NKAIN2: variants seen among roughly 807,000 people sequenced by gnomAD.
NKAIN2 encodes the protein sodium/potassium transporting ATPase interacting 2.
In NKAIN2, 14 loss-of-function variants were observed where a neutral mutation model predicts 32.6. The ratio of observed to expected loss-of-function variants is 0.43; its 90% CI spans 0.28 to 0.67. The LOEUF (loss-of-function observed/expected upper bound fraction) is 0.67, where lower values mean the gene tolerates loss of function less well. Among genes scored for constraint, NKAIN2 ranks in the 30% least tolerant of loss-of-function variants. The pLI, the probability that NKAIN2 is intolerant of heterozygous loss-of-function variation, is 0.17. For missense variants in NKAIN2, 198 were observed against 258.3 expected (o/e 0.77, Z 1.60); for synonymous variants, 80 against 87.2 (o/e 0.92, Z 0.46).
chr6:124,101,890 A>T (rs1784907714), intron 1 of NKAIN2, among the ~76,000 whole-genome samples: 1 of 152,310 alleles, frequency 6.6e-6, no homozygotes, highest in South Asian at 2.1e-4. Context: ...GAGCCTAGAT[A>T]TAACCAGCAG....
chr6:124,330,572 T>A (rs1298262398), intron 2 of NKAIN2, among the ~76,000 whole-genome samples: 1 of 152,198 alleles, frequency 6.6e-6, no homozygotes, highest in Non-Finnish European at 1.5e-5. Context: ...TGAGACACCT[T>A]ACTTTGGCTA....
chr6:124,626,098 C>G (rs1783328893), intron 3 of NKAIN2, among the ~76,000 whole-genome samples: 1 of 116,060 alleles, frequency 8.6e-6, no homozygotes, highest in South Asian at 3.9e-4. Context: ...CCCCACTCCC[C>G]ACACCCCACA....
intron 3 of NKAIN2, among the ~76,000 whole-genome samples, chr6:124,516,038 TC>T (rs1173581958): frequency 6.6e-6 from 1 of 152,158 alleles, no homozygotes; most frequent in Non-Finnish European, 1.5e-5. Context: ...TTTATTGCAT[TC>T]CTACTATCTT....
intron 3 of NKAIN2, among the ~76,000 whole-genome samples, chr6:124,356,206 A>G (rs969932041): frequency 3.9e-5 from 6 of 152,200 alleles, no homozygotes; most frequent in Non-Finnish European, 7.3e-5. Context: ...TAAAAGACCA[A>G]GAGAGCTAAA....
chr6:123,934,935 G>T (rs1034433807), intron 1 of NKAIN2, among the ~76,000 whole-genome samples: 1 of 150,964 alleles, frequency 6.6e-6, no homozygotes, highest in Admixed American at 6.6e-5. Flanking sequence ...TTTCCTAAAA[G>T]ACAGAATTTT....
chr6:124,450,136 A>C (rs1336768), intron 3 of NKAIN2, among the ~76,000 whole-genome samples: 102,976 of 151,994 alleles, frequency 0.68, 37,610 homozygotes, highest in South Asian at 0.81. Flanking sequence ...ATTAACTGCA[A>C]AGTCAGTATT....
chr6:124,302,189 G>A (rs1038499774), intron 2 of NKAIN2, among the ~76,000 whole-genome samples: 1 of 152,158 alleles, frequency 6.6e-6, no homozygotes, highest in African/African-American at 2.4e-5. Context: ...TCATGTAAGA[G>A]GTGACTTTGC....
At chr6:124,640,461 A>G (rs1269479645) in intron 3 of NKAIN2, among the ~76,000 whole-genome samples, 1 of 152,192 alleles carries the variant, frequency 6.6e-6, no homozygotes, top group Admixed American at 6.5e-5. Context: ...GAATGCAGCT[A>G]ACTTTTCAAA....
At chr6:124,060,227 A>G (rs1782864067) in intron 1 of NKAIN2, among the ~76,000 whole-genome samples, 4 of 152,174 alleles carry the variant, frequency 2.6e-5, no homozygotes, top group Admixed American at 2.6e-4. Flanking sequence ...TGATCCTGTT[A>G]TGCCTAGGGC....
intron 1 of NKAIN2, among the ~76,000 whole-genome samples, chr6:124,097,522 C>A (rs1317131617): frequency 1.3e-5 from 2 of 152,054 alleles, no homozygotes; most frequent in African/African-American, 4.8e-5. Context: ...AAAAGAGTAG[C>A]CTGTCATTTT....
At chr6:124,550,543 G>GC (rs1780250010) in intron 3 of NKAIN2, among the ~76,000 whole-genome samples, 1 of 152,132 alleles carries the variant, frequency 6.6e-6, no homozygotes. Context: ...CTGCCATCTG[G>GC]CCCCTGGTGT....
At chr6:124,276,006 T>C (rs1472399635) in intron 1 of NKAIN2, among the ~76,000 whole-genome samples, 3 of 152,064 alleles carry the variant, frequency 2.0e-5, no homozygotes. Flanking sequence ...ACATAGTGGT[T>C]AGAATTCAAA....
intron 1 of NKAIN2, among the ~76,000 whole-genome samples, chr6:124,213,097 G>C (rs569848527): frequency 6.6e-6 from 1 of 151,960 alleles, no homozygotes; most frequent in South Asian, 2.1e-4. Flanking sequence ...CAGATTTTAC[G>C]TGCGAATATC....
chr6:124,378,722 G>C (rs1411767634), intron 3 of NKAIN2, among the ~76,000 whole-genome samples: 1 of 152,082 alleles, frequency 6.6e-6, no homozygotes, highest in East Asian at 2.0e-4. Context: ...CTGGATGGTG[G>C]GGAAGAGAAT....
intron 1 of NKAIN2, among the ~76,000 whole-genome samples, chr6:124,055,271 A>G (rs918228657): frequency 6.6e-6 from 1 of 152,078 alleles, no homozygotes; most frequent in African/African-American, 2.4e-5. Flanking sequence ...GCATAAAACG[A>G]ATGCATAATT....
intron 3 of NKAIN2, among the ~76,000 whole-genome samples, chr6:124,430,595 A>G (rs776529162): frequency 4.6e-5 from 7 of 152,046 alleles, no homozygotes; most frequent in South Asian, 2.1e-4. Flanking sequence ...CAGTATCTCC[A>G]TGTGGTTTCT....
At chr6:124,399,114 A>T (rs1773522184) in intron 3 of NKAIN2, among the ~76,000 whole-genome samples, 1 of 152,140 alleles carries the variant, frequency 6.6e-6, no homozygotes, top group Non-Finnish European at 1.5e-5. Flanking sequence ...TTTAGTAGAG[A>T]CAGGGTTTCA....
At chr6:123,805,517 T>C (rs1172691482) in intron 1 of NKAIN2, among the ~76,000 whole-genome samples, 3 of 152,232 alleles carry the variant, frequency 2.0e-5, no homozygotes, top group African/African-American at 7.2e-5. Context: ...ATCTGTGATT[T>C]ATGCGCTTAT....
chr6:124,679,413 T>C (rs1773515349), intron 4 of NKAIN2, among the ~76,000 whole-genome samples: 1 of 152,122 alleles, frequency 6.6e-6, no homozygotes. Flanking sequence ...ATGTCGGACA[T>C]ATTTCAGCTT....
Sources: allele counts gnomAD v4.1 joint callset (sites outside exome capture counted in the v4.1 genomes callset), GRCh38; gene constraint gnomAD v4.1.1; transcripts MANE v1.5; gene names NCBI Gene and HGNC (gene_info 2026-07-23, HGNC 2026-07-21).